Variants in COMMD7 observed in about 807,000 individuals in gnomAD.
COMMD7 encodes the protein COMM domain-containing protein 7.
In COMMD7, 28 loss-of-function variants were observed where a neutral mutation model predicts 34.8. That is an observed-to-expected ratio of 0.80 (90% CI 0.60 to 1.10). The LOEUF (loss-of-function observed/expected upper bound fraction) is 1.10, where lower values mean the gene tolerates loss of function less well. Ranked by LOEUF, COMMD7 falls within the 50% of genes least tolerant of loss-of-function variation. The pLI, the probability that COMMD7 is intolerant of heterozygous loss-of-function variation, is 0.00. For missense variants in COMMD7, 211 were observed against 241.6 expected (o/e 0.87, Z 0.84); for synonymous variants, 80 against 86.4 (o/e 0.93, Z 0.41).
At chr20:32,713,766 T>G (rs1304021157) in intron 3 of COMMD7, among the ~76,000 whole-genome samples, 1 of 152,196 alleles carries the variant, frequency 6.6e-6, no homozygotes, top group Non-Finnish European at 1.5e-5. Flanking sequence ...AGGCTTCCAT[T>G]CTACTGGCAG....
intron 3 of COMMD7, among the ~76,000 whole-genome samples, chr20:32,713,466 T>C (rs1283856643): frequency 2.6e-5 from 4 of 152,148 alleles, no homozygotes; most frequent in Admixed American, 6.6e-5. Context: ...GCCAAGACGG[T>C]TGGAAAAACA....
chr20:32,727,171 G>A (rs1289860466), intron 3 of COMMD7, among the ~76,000 whole-genome samples: 3 of 151,544 alleles, frequency 2.0e-5, no homozygotes, highest in Non-Finnish European at 4.4e-5. Context: ...AGGCTGAAGT[G>A]TGCTATGATT....
Position 32,718,527 on chromosome 20 carries a change from C to T in COMMD7, c.241+9366G>A, listed in dbSNP as rs542812240. Among the ~76,000 whole-genome samples the T allele has an allele frequency of 5.9e-5, 9 of 152,132 alleles. No individual in the cohort carries two copies. The South Asian group carries it at 1.2e-3, about 21-fold the overall frequency. Reference sequence around the variant, plus strand: ...CAGCCTGGGCAACACAGTGAAACCCCGTTTCTACTAAAATACAAAAAATCA... The same window carrying T: ...CAGCCTGGGCAACACAGTGAAACCCTGTTTCTACTAAAATACAAAAAATCA... On this transcript the variant is annotated intron_variant, in intron 3 of 8. Coordinates refer to ENST00000278980, the MANE Select transcript of COMMD7 (RefSeq NM_053041.3).
Position 32,703,346 on chromosome 20 carries a change from C to A in COMMD7, c.*36G>T. 6.3e-7 allele frequency: 1 copy of A among 1,586,310 alleles called. No individual in the cohort carries two copies. The highest frequency in any genetic ancestry group is 1.1e-5 in the South Asian group (1 of 89,236). ...CAGTCACCCAGGGAAGGGAGGAGGG[C>A]AGGGAACGGGGCCAGGGGAGATGCA... On this transcript the variant is annotated 3_prime_UTR_variant, in exon 9 of 9. Coordinates refer to ENST00000278980, the MANE Select transcript of COMMD7 (RefSeq NM_053041.3).
chr20:32,703,696 A>T lies in COMMD7; in HGVS notation c.527-238T>A, dbSNP rs764562760. ...AATGGCACAGCTCCATGGCACAAAG[A>T]GATGAAAGGGTATCATTCGGGATGT... On this transcript the variant is annotated intron_variant, in intron 8 of 8. Transcript: ENST00000278980. 5.7e-5 allele frequency: 82 copies of T among 1,437,504 alleles called. No homozygotes were observed. The South Asian group carries it at 1.1e-3, about 19-fold the overall frequency. 89.0% of individuals were successfully genotyped at this position (1,437,504 alleles called of 1,614,324 possible).
chr20:32,713,803 A>G (rs1984610935), intron 3 of COMMD7, among the ~76,000 whole-genome samples: 2 of 152,318 alleles, frequency 1.3e-5, no homozygotes, highest in South Asian at 4.1e-4. Context: ...ATAACGTAAA[A>G]CATAAGCCAT....
At chr20:32,738,332 T>C (rs1372782319) in intron 1 of COMMD7, among the ~76,000 whole-genome samples, 1 of 152,136 alleles carries the variant, frequency 6.6e-6, no homozygotes, top group East Asian at 1.9e-4. Context: ...CTCACGCCTA[T>C]AATCCCAACA....
At chr20:32,733,309 G>A (rs958880489) in intron 1 of COMMD7, among the ~76,000 whole-genome samples, 21 of 151,930 alleles carry the variant, frequency 1.4e-4, no homozygotes, top group Non-Finnish European at 2.5e-4. Flanking sequence ...GGCCACGCGC[G>A]GTGGCTCACG....
At chr20:32,721,757 G>A (rs1180311065) in intron 3 of COMMD7, among the ~76,000 whole-genome samples, 5 of 152,102 alleles carry the variant, frequency 3.3e-5, no homozygotes, top group Non-Finnish European at 5.9e-5. Flanking sequence ...TTAGGCGGGC[G>A]TGGTGGTGGG....
chr20:32,708,677 A>G (rs1755217579), intron 3 of COMMD7, among the ~76,000 whole-genome samples: 1 of 103,176 alleles, frequency 9.7e-6, no homozygotes, highest in South Asian at 3.3e-4. Flanking sequence ...TTTTTGAGAC[A>G]GTGAGACACG....
chr20:32,738,304 T>G (rs6058850), intron 1 of COMMD7, among the ~76,000 whole-genome samples: 104,362 of 152,044 alleles, frequency 0.69, 36,590 homozygotes, highest in Middle Eastern at 0.82. Flanking sequence ...TTTTAAAACT[T>G]TTGGCCAGGT....
intron 1 of COMMD7, among the ~76,000 whole-genome samples, chr20:32,742,119 G>T (rs542536978): frequency 1.3e-5 from 2 of 152,204 alleles, no homozygotes; most frequent in Non-Finnish European, 2.9e-5. Context: ...CCTGGGAGGC[G>T]GAGGTTGCAG....
At chr20:32,704,586 C>A in intron 6 of COMMD7, 97 bp from the exon 7 acceptor site, 1 of 1,352,482 alleles carries the variant, frequency 7.4e-7, no homozygotes, top group South Asian at 1.3e-5. Flanking sequence ...AGCTGTCCAG[C>A]AGAAGCCATG....
At chr20:32,714,289 G>T (rs951433994) in intron 3 of COMMD7, among the ~76,000 whole-genome samples, 2 of 152,074 alleles carry the variant, frequency 1.3e-5, no homozygotes, top group African/African-American at 4.8e-5. Context: ...TTGCTAAAAA[G>T]AACTCGTTGG....
intron 3 of COMMD7, among the ~76,000 whole-genome samples, chr20:32,707,456 A>C (rs1310906309): frequency 6.6e-6 from 1 of 151,426 alleles, no homozygotes; most frequent in Non-Finnish European, 1.5e-5. Flanking sequence ...AACAGCTGGG[A>C]CTACAGGCGT....
Position 32,736,765 on chromosome 20 carries a change from G to A in COMMD7, c.84+6543C>T, listed in dbSNP as rs182029328. On this transcript the variant is annotated intron_variant, in intron 1 of 8. Coordinates refer to ENST00000278980, the MANE Select transcript of COMMD7 (RefSeq NM_053041.3). ...GGTTAGAAAATGAGTCAGTTCCTGG[G>A]GGTGATGGCTCACACCTGTAATCCC... is the stretch of plus-strand genomic sequence containing the variant. Among the ~76,000 whole-genome samples, 20 of 152,262 alleles carry A rather than the reference G, an allele frequency of 1.3e-4. No homozygotes were observed. In the East Asian group the frequency reaches 3.9e-3, roughly 29 times the overall value.
intron 3 of COMMD7, among the ~76,000 whole-genome samples, chr20:32,710,329 T>C (rs535425725): frequency 1.3e-5 from 2 of 152,304 alleles, no homozygotes; most frequent in South Asian, 4.1e-4. Flanking sequence ...ACTAGGCTCA[T>C]TTTGCCTACT....
chr20:32,709,393 C>CT (rs1984284602), intron 3 of COMMD7, among the ~76,000 whole-genome samples: 1 of 90,534 alleles, frequency 1.1e-5, no homozygotes, highest in South Asian at 4.0e-4. Flanking sequence ...CAGAGCAACT[C>CT]TGTCTCAAAA....
chr20:32,743,383 G>A lies in COMMD7; in HGVS notation c.9C>T (p.Arg3=), dbSNP rs1224932846. ...GCACCGGGTCCTCAGTGCAGTGCAG[G>A]CGGCCCATGGCGCGCGCCCCAGCCC... is the stretch of plus-strand genomic sequence containing the variant. MG[R]LHCTEDPVPE... The change falls in exon 1 of 9, where the codon CGC becomes CGT. Residue 3 remains arginine, a synonymous_variant. Transcript: ENST00000278980. The A allele has an allele frequency of 3.6e-6, 5 of 1,401,282 alleles. No individual in the cohort carries two copies. Among genetic ancestry groups the A allele is most frequent in the Admixed American group, 6.6e-5 (2 of 30,478 alleles). The allele number at this position is 1,401,282 out of a possible 1,614,324, so 86.8% of individuals were successfully genotyped here.
Sources: allele counts gnomAD v4.1 joint callset (sites outside exome capture counted in the v4.1 genomes callset), GRCh38; gene constraint gnomAD v4.1.1; transcripts MANE v1.5; gene names NCBI Gene and HGNC (gene_info 2026-07-23, HGNC 2026-07-21).